The following PCDHA11 variants were observed in gnomAD, a reference collection of about 807,000 sequenced individuals.
PCDHA11 encodes protocadherin alpha 11.
A neutral mutation model predicts 70.3 loss-of-function variants in PCDHA11; 61 were observed. The ratio of observed to expected loss-of-function variants is 0.87; its 90% CI spans 0.71 to 1.07. PCDHA11 has a LOEUF of 1.07. Among genes scored for constraint, PCDHA11 ranks in the 50% least tolerant of loss-of-function variants. The probability of loss-of-function intolerance (pLI) is 0.00; values close to 1 mark genes in which losing one functional copy is unlikely to be tolerated. For synonymous variants in PCDHA11, 633 were observed against 555.1 expected, an observed-to-expected ratio of 1.14 and a Z score of -1.97; for missense variants, 1,324 against 1,237.5, an observed-to-expected ratio of 1.07 and a Z score of -1.05.
At chr5:140,937,064 G>A (rs2091301496) in intron 1 of PCDHA11, among the ~76,000 whole-genome samples, 1 of 143,854 alleles carries the variant, frequency 7.0e-6, no homozygotes, top group Admixed American at 7.1e-5. Context: ...TTGAGACGGA[G>A]TCTCGCTCTG....
At chr5:141,007,395 CAAAAAAAA>C (rs35800918) in intron 3 of PCDHA11, among the ~76,000 whole-genome samples, 98 of 94,844 alleles carry the variant, frequency 1.0e-3, no homozygotes, top group African/African-American at 2.9e-3. Context: ...TACTAAAATA[CAAAAAAAA>C]AAAAAAAAAA....
rs76093196 is a variant in PCDHA11, at chr5:140,971,173, C to G, written c.2392-7776C>G. Reference sequence around the variant, plus strand: ...AGGCCAGGCTCAGCTTTGCCACCAGCTGTAAGCCGGAAGCTCAGAGGAAAG... The same window carrying G: ...AGGCCAGGCTCAGCTTTGCCACCAGGTGTAAGCCGGAAGCTCAGAGGAAAG... On this transcript the variant is annotated intron_variant, in intron 1 of 3. Transcript: ENST00000398640. Among the ~76,000 whole-genome samples the G allele has an allele frequency of 3.8e-3, 583 of 152,260 alleles. 1 individual carries two copies. Among genetic ancestry groups the G allele is most frequent in the Non-Finnish European group, 7.2e-3 (492 of 68,018 alleles).
chr5:140,992,558 G>A (rs567645353), intron 3 of PCDHA11, among the ~76,000 whole-genome samples: 27 of 152,256 alleles, frequency 1.8e-4, no homozygotes, highest in African/African-American at 5.8e-4. Context: ...CCAGGAGATG[G>A]GGCAACACAT....
intron 1 of PCDHA11, chr5:140,875,861 C>T (rs2055878739): frequency 6.2e-7 from 1 of 1,614,020 alleles, no homozygotes; most frequent in Non-Finnish European, 8.5e-7. Context: ...AACGACAACC[C>T]GCCGGTGTTC....
At chr5:140,920,812 C>T (rs575249440) in intron 1 of PCDHA11, among the ~76,000 whole-genome samples, 126 of 151,392 alleles carry the variant, frequency 8.3e-4, no homozygotes, top group Admixed American at 2.4e-3. Flanking sequence ...CCACTGCACT[C>T]CAGCCTGGCG....
At chr5:140,929,183 C>G (rs148631412) in intron 1 of PCDHA11, 1 of 1,614,144 alleles carries the variant, frequency 6.2e-7, no homozygotes, top group East Asian at 2.2e-5. Flanking sequence ...GGACTTGGTT[C>G]TGATAATAAC....
intron 1 of PCDHA11, chr5:140,927,514 G>T: frequency 6.2e-7 from 1 of 1,614,056 alleles, no homozygotes; most frequent in Non-Finnish European, 8.5e-7. Flanking sequence ...AGCTCGGGAC[G>T]GCGGGCTACC....
At chr5:140,940,258 C>A (rs2092581637) in intron 1 of PCDHA11, among the ~76,000 whole-genome samples, 1 of 152,130 alleles carries the variant, frequency 6.6e-6, no homozygotes, top group South Asian at 2.1e-4. Flanking sequence ...TCAATATCTT[C>A]TGGGTTCCAC....
chr5:140,925,668 A>G (rs1215540778), intron 1 of PCDHA11, among the ~76,000 whole-genome samples: 1 of 149,482 alleles, frequency 6.7e-6, no homozygotes, highest in Admixed American at 6.7e-5. Context: ...TAATAATAAT[A>G]ATAATAATAA....
chr5:140,983,030 T>C (rs1333101014), intron 3 of PCDHA11, among the ~76,000 whole-genome samples: 1 of 151,922 alleles, frequency 6.6e-6, no homozygotes, highest in African/African-American at 2.4e-5. Context: ...GGAAGATGGT[T>C]TCTCATGGAA....
intron 1 of PCDHA11, chr5:140,882,600 A>G: frequency 6.2e-7 from 1 of 1,614,252 alleles, no homozygotes; most frequent in East Asian, 2.2e-5. Context: ...GTGATCGTGG[A>G]CAGGCCTCTG....
intron 3 of PCDHA11, 171 bp from the exon 4 acceptor site, chr5:141,009,456 C>CAAAT: frequency 3.2e-6 from 3 of 947,762 alleles, no homozygotes; most frequent in Non-Finnish European, 2.5e-6. Flanking sequence ...AAAAATTAAA[C>CAAAT]AAATAAATAA....
At chr5:140,979,937 A>G (rs563499415) in intron 2 of PCDHA11, among the ~76,000 whole-genome samples, 1 of 152,388 alleles carries the variant, frequency 6.6e-6, no homozygotes, top group African/African-American at 2.4e-5. Context: ...GTATGTGTAG[A>G]GTTAATGTGA....
At chr5:140,876,843 G>A (rs1554169011) in intron 1 of PCDHA11, 3 of 1,614,128 alleles carry the variant, frequency 1.9e-6, no homozygotes, top group East Asian at 2.2e-5. Flanking sequence ...CGTTCGCGCA[G>A]CCCGAGTACA....
At chr5:140,892,013 C>T (rs2063353338) in intron 1 of PCDHA11, among the ~76,000 whole-genome samples, 1 of 152,206 alleles carries the variant, frequency 6.6e-6, no homozygotes, top group South Asian at 2.1e-4. Context: ...GTTATAGCAG[C>T]ACAAATGGTC....
intron 1 of PCDHA11, chr5:140,968,614 A>T: frequency 6.2e-7 from 1 of 1,614,142 alleles, no homozygotes; most frequent in Non-Finnish European, 8.5e-7. Context: ...ACTCTGGGCA[A>T]AATGCTTGGC....
chr5:140,873,436 A>G (rs1159512158), intron 1 of PCDHA11, among the ~76,000 whole-genome samples: 1 of 152,214 alleles, frequency 6.6e-6, no homozygotes, highest in Non-Finnish European at 1.5e-5. Flanking sequence ...TTTATATCAC[A>G]TAAATAACAA....
intron 1 of PCDHA11, among the ~76,000 whole-genome samples, chr5:140,879,169 T>C (rs2057884518): frequency 6.6e-6 from 1 of 152,156 alleles, no homozygotes; most frequent in Non-Finnish European, 1.5e-5. Flanking sequence ...TTTTAATAAA[T>C]TAGGTATCAA....
chr5:140,903,317 A>G (rs1364222131), intron 1 of PCDHA11, among the ~76,000 whole-genome samples: 1 of 152,204 alleles, frequency 6.6e-6, no homozygotes, highest in African/African-American at 2.4e-5. Context: ...TAAAGACAGC[A>G]TTTTTATTGA....
Sources: gnomAD v4.1 joint callset for allele counts (sites outside exome capture counted in the v4.1 genomes callset) on GRCh38, gnomAD v4.1.1 for gene constraint, MANE v1.5 for transcripts, NCBI Gene and HGNC (gene_info 2026-07-23, HGNC 2026-07-21) for gene names.